PDE1A: variants seen among roughly 807,000 people sequenced by gnomAD.
PDE1A encodes dual specificity calcium/calmodulin-dependent 3',5'-cyclic nucleotide phosphodiesterase 1A.
A neutral mutation model predicts 61.7 loss-of-function variants in PDE1A; 35 were observed. The observed-to-expected ratio is 0.57, with a 90% CI of 0.43 to 0.75. The LOEUF is 0.75. Ranked by LOEUF, PDE1A falls within the 30% of genes least tolerant of loss-of-function variation. The pLI, the probability that PDE1A is intolerant of heterozygous loss-of-function variation, is 0.00. For synonymous variants in PDE1A, 232 were observed against 213.2 expected, an observed-to-expected ratio of 1.09 and a Z score of -0.77; for missense variants, 597 against 630.6, an observed-to-expected ratio of 0.95 and a Z score of 0.57.
chr2:182,606,664 CCAG>C, the PDE1A span, among the ~76,000 whole-genome samples: 1 of 152,054 alleles, frequency 6.6e-6, no homozygotes, highest in South Asian at 2.1e-4. Context: ...ATATAACATA[CCAG>C]CAGGTCATAA....
At chr2:182,643,298 A>G in the PDE1A span, among the ~76,000 whole-genome samples, 3 of 152,314 alleles carry the variant, frequency 2.0e-5, no homozygotes, top group Admixed American at 6.5e-5. Context: ...ATTAGTGCTG[A>G]GAGGTTAATT....
chr2:182,488,633 T>C lies in PDE1A; in HGVS notation c.101+33643A>G, dbSNP rs566232841. 7.9e-5 allele frequency among the ~76,000 whole-genome samples: 12 copies of C among 152,328 alleles called. No homozygotes were observed. The South Asian group carries it at 2.5e-3, about 32-fold the overall frequency. On this transcript the variant is annotated intron_variant, in intron 2 of 14. Coordinates refer to the PDE1A transcript ENST00000410103. Reference sequence around the variant, plus strand: ...AAGCCTTCTGCAAAATTAACAGTTTTTGAAAATTGTAAATACATGAAATGT... The same window carrying C: ...AAGCCTTCTGCAAAATTAACAGTTTCTGAAAATTGTAAATACATGAAATGT...
chr2:182,531,600 A>G, the PDE1A span, among the ~76,000 whole-genome samples: 1 of 152,226 alleles, frequency 6.6e-6, no homozygotes, highest in Non-Finnish European at 1.5e-5. Context: ...AATACATAGA[A>G]GAGATTTCAT....
the PDE1A span, among the ~76,000 whole-genome samples, chr2:182,663,101 T>C: frequency 9.9e-5 from 15 of 152,054 alleles, no homozygotes; most frequent in African/African-American, 3.6e-4. Context: ...TACCGATCAA[T>C]AGAGAAATGC....
chr2:182,387,534 G>C (rs939558471), intron 1 of PDE1A, among the ~76,000 whole-genome samples: 1 of 152,220 alleles, frequency 6.6e-6, no homozygotes, highest in African/African-American at 2.4e-5. Context: ...GAGGTGGGCA[G>C]ATGTCCTTAG....
chr2:182,404,046 ATT>A (rs35122269), intron 1 of PDE1A, among the ~76,000 whole-genome samples: 7 of 151,816 alleles, frequency 4.6e-5, no homozygotes, highest in African/African-American at 7.2e-5. Flanking sequence ...ATAGGAACAA[ATT>A]TTTTTTTTAA....
the PDE1A span, among the ~76,000 whole-genome samples, chr2:182,583,344 G>C: frequency 6.6e-6 from 1 of 152,146 alleles, no homozygotes; most frequent in Non-Finnish European, 1.5e-5. Flanking sequence ...TTATTATAAA[G>C]ATATAGTAGA....
the PDE1A span, among the ~76,000 whole-genome samples, chr2:182,639,615 G>T: frequency 6.6e-6 from 1 of 151,744 alleles, no homozygotes; most frequent in African/African-American, 2.4e-5. Context: ...AAATAAAATC[G>T]AAAAAGAGAG....
chr2:182,380,106 C>CTTTTT (rs1226939777), intron 1 of PDE1A, among the ~76,000 whole-genome samples: 5 of 103,856 alleles, frequency 4.8e-5, no homozygotes, highest in African/African-American at 7.1e-5. Context: ...CCCAGCTCCT[C>CTTTTT]TTTTTTTTTT....
the PDE1A span, among the ~76,000 whole-genome samples, chr2:182,555,049 TAA>T: frequency 3.7e-4 from 56 of 152,276 alleles, no homozygotes; most frequent in Non-Finnish European, 6.9e-4. Context: ...TCATATAAAC[TAA>T]AGAGATGTGA....
At chr2:182,177,758 C>G (rs949687211) in intron 13 of PDE1A, among the ~76,000 whole-genome samples, 2 of 151,840 alleles carry the variant, frequency 1.3e-5, no homozygotes, top group Non-Finnish European at 2.9e-5. Context: ...TTTTTTGTTG[C>G]TCAGTTTCCT....
chr2:182,147,444 A>G (rs1282450592), intron 13 of PDE1A, among the ~76,000 whole-genome samples: 1 of 152,240 alleles, frequency 6.6e-6, no homozygotes, highest in Non-Finnish European at 1.5e-5. Flanking sequence ...TCCCATGTAA[A>G]AAATCATGTT....
intron 1 of PDE1A, among the ~76,000 whole-genome samples, chr2:182,316,130 G>A (rs954205099): frequency 2.0e-5 from 3 of 152,156 alleles, no homozygotes; most frequent in Non-Finnish European, 4.4e-5. Context: ...AGTTGAAGAT[G>A]TACTGCACAG....
intron 2 of PDE1A, among the ~76,000 whole-genome samples, chr2:182,511,511 G>T (rs746592809): frequency 1.3e-5 from 2 of 152,112 alleles, no homozygotes; most frequent in African/African-American, 4.8e-5. Flanking sequence ...GAGCTGGCAG[G>T]GAGAGCTTCT....
intron 10 of PDE1A, among the ~76,000 whole-genome samples, chr2:182,194,939 C>T (rs896244316): frequency 3.3e-5 from 5 of 151,258 alleles, no homozygotes; most frequent in South Asian, 2.1e-4. Flanking sequence ...TGAAAGGTTG[C>T]TCTTGAAAAA....
the PDE1A span, among the ~76,000 whole-genome samples, chr2:182,661,675 C>T: frequency 6.6e-6 from 1 of 152,070 alleles, no homozygotes; most frequent in Non-Finnish European, 1.5e-5. Flanking sequence ...AATAATCCTA[C>T]AAGAAACTAT....
the PDE1A span, among the ~76,000 whole-genome samples, chr2:182,690,780 C>A: frequency 1.1e-4 from 16 of 152,278 alleles, no homozygotes; most frequent in Non-Finnish European, 2.1e-4. Context: ...TCTAGAAAAA[C>A]CCATCATCTC....
At chr2:182,301,780 C>T (rs1438684462) in intron 1 of PDE1A, among the ~76,000 whole-genome samples, 2 of 152,172 alleles carry the variant, frequency 1.3e-5, no homozygotes, top group African/African-American at 4.8e-5. Flanking sequence ...CATGGACAAA[C>T]AATTACAGTG....
intron 2 of PDE1A, among the ~76,000 whole-genome samples, chr2:182,472,468 A>T (rs1405511202): frequency 6.6e-6 from 1 of 151,974 alleles, no homozygotes; most frequent in Non-Finnish European, 1.5e-5. Flanking sequence ...ACAAAGACAA[A>T]TACTAAACGT....
Sources: allele counts gnomAD v4.1 joint callset (sites outside exome capture counted in the v4.1 genomes callset), GRCh38; gene constraint gnomAD v4.1.1; transcripts MANE v1.5; gene names NCBI Gene and HGNC (gene_info 2026-07-23, HGNC 2026-07-21).